SMYD3: variants seen among roughly 807,000 people sequenced by gnomAD.
The protein encoded by SMYD3 is histone-lysine N-methyltransferase SMYD3.
A neutral mutation model predicts 57.7 loss-of-function variants in SMYD3; 36 were observed. That is an observed-to-expected ratio of 0.62 (90% confidence interval 0.48 to 0.82). SMYD3 has a LOEUF of 0.82. Ranked by LOEUF, SMYD3 falls within the 40% of genes least tolerant of loss-of-function variation. SMYD3 has a pLI of 0.00. For synonymous variants in SMYD3, 211 were observed against 195.0 expected (o/e 1.08, Z -0.68); for missense variants, 515 against 538.8 (o/e 0.96, Z 0.44).
chr1:245,929,615 C>T (rs1289876183), intron 6 of SMYD3, among the ~76,000 whole-genome samples: 8 of 152,236 alleles, frequency 5.3e-5, no homozygotes, highest in Admixed American at 2.0e-4. Flanking sequence ...AACTTCTTCA[C>T]CCAAAGTCCC....
At chr1:246,253,229 T>C (rs959949957) in intron 5 of SMYD3, among the ~76,000 whole-genome samples, 10 of 152,174 alleles carry the variant, frequency 6.6e-5, no homozygotes, top group African/African-American at 2.2e-4. Context: ...ACCCAGGTAG[T>C]GAACACAGTT....
At chr1:246,040,765 C>T (rs753304901) in intron 5 of SMYD3, among the ~76,000 whole-genome samples, 2 of 152,156 alleles carry the variant, frequency 1.3e-5, no homozygotes, top group African/African-American at 4.8e-5. Flanking sequence ...TTATAGAGCG[C>T]TAGAATTTTG....
At chr1:246,450,433 C>T (rs147556832) in intron 1 of SMYD3, among the ~76,000 whole-genome samples, 337 of 152,322 alleles carry the variant, frequency 2.2e-3, no homozygotes, top group Non-Finnish European at 3.8e-3. Flanking sequence ...CTTCTCTCAA[C>T]CTGCTTCTTT....
In SMYD3 at chr1:246,006,286, G is replaced by A. The variant is rs547965614; in HGVS notation, c.532-76349C>T. On this transcript the variant is annotated intron_variant, in intron 5 of 11. Coordinates refer to ENST00000490107, the MANE Select transcript of SMYD3 (RefSeq NM_001167740.2). ...CCTTAAAACTGATGAGCGAGTTGGA[G>A]GGACTGGGATGTTGGAGGGGCTGGG... Among the ~76,000 whole-genome samples the A allele has an allele frequency of 1.8e-4, 27 of 151,978 alleles. No homozygotes were observed. The South Asian group carries it at 5.2e-3, about 29-fold the overall frequency.
At chr1:246,498,757 A>G (rs1011496109) in intron 1 of SMYD3, among the ~76,000 whole-genome samples, 39 of 151,126 alleles carry the variant, frequency 2.6e-4, no homozygotes, top group African/African-American at 8.8e-4. Context: ...AAGAACACAC[A>G]TATATACTTG....
chr1:246,214,400 G>A (rs186718428), intron 5 of SMYD3, among the ~76,000 whole-genome samples: 36 of 152,214 alleles, frequency 2.4e-4, no homozygotes, highest in Non-Finnish European at 4.4e-4. Context: ...AAGGAAAAAT[G>A]AACAGAACTG....
chr1:246,475,320 A>T (rs115743530), intron 1 of SMYD3, among the ~76,000 whole-genome samples: 11,428 of 144,178 alleles, frequency 0.079, 1,461 homozygotes, highest in African/African-American at 0.27. Flanking sequence ...ACAGCGAGAG[A>T]CTGTCTCAGA....
chr1:246,363,566 T>A (rs2066045940), intron 1 of SMYD3, among the ~76,000 whole-genome samples: 1 of 152,236 alleles, frequency 6.6e-6, no homozygotes, highest in South Asian at 2.1e-4. Context: ...TTTCATTTTG[T>A]TCTGTACTAA....
chr1:245,892,995 T>C (rs528637673), intron 8 of SMYD3, among the ~76,000 whole-genome samples: 1 of 152,298 alleles, frequency 6.6e-6, no homozygotes, highest in East Asian at 1.9e-4. Flanking sequence ...AAAAGACCTG[T>C]GTACAGGATA....
At chr1:246,455,562 T>A (rs947353677) in intron 1 of SMYD3, among the ~76,000 whole-genome samples, 1 of 152,176 alleles carries the variant, frequency 6.6e-6, no homozygotes, top group Admixed American at 6.5e-5. Context: ...CCAAATGCTA[T>A]AGAAAAGCCA....
chr1:245,764,322 G>A (rs1360592944), intron 10 of SMYD3, among the ~76,000 whole-genome samples, 173 bp from the exon 11 acceptor site: 3 of 152,012 alleles, frequency 2.0e-5, no homozygotes, highest in Admixed American at 6.6e-5. Context: ...ATTGACACAG[G>A]ACTGGTCTCC....
At chr1:245,887,795 A>G (rs2053170435) in intron 8 of SMYD3, among the ~76,000 whole-genome samples, 1 of 152,294 alleles carries the variant, frequency 6.6e-6, no homozygotes, top group African/African-American at 2.4e-5. Flanking sequence ...ACATCTTTCA[A>G]TCTCAGGATT....
intron 10 of SMYD3, among the ~76,000 whole-genome samples, chr1:245,809,679 T>G (rs2048358113): frequency 6.6e-6 from 1 of 152,158 alleles, no homozygotes; most frequent in Non-Finnish European, 1.5e-5. Context: ...AACATCCTAG[T>G]GCGGGCACAA....
intron 2 of SMYD3, among the ~76,000 whole-genome samples, chr1:246,336,342 T>G (rs1156389151): frequency 6.6e-6 from 1 of 152,232 alleles, no homozygotes; most frequent in Admixed American, 6.5e-5. Context: ...CTCAATCAAA[T>G]GTCTCTCGTG....
At chr1:246,208,813 C>T (rs1039849909) in intron 5 of SMYD3, among the ~76,000 whole-genome samples, 1 of 152,038 alleles carries the variant, frequency 6.6e-6, no homozygotes, top group Non-Finnish European at 1.5e-5. Flanking sequence ...ATCATTCAAG[C>T]TGAATCAATA....
At chr1:246,087,584 A>G (rs12131368) in intron 5 of SMYD3, among the ~76,000 whole-genome samples, 4,505 of 152,354 alleles carry the variant, frequency 0.03, 92 homozygotes, top group South Asian at 0.043. Flanking sequence ...TTTCCGTGGT[A>G]TCTATGAAAC....
chr1:245,977,817 G>T (rs1407761679), intron 5 of SMYD3, among the ~76,000 whole-genome samples: 1 of 152,158 alleles, frequency 6.6e-6, no homozygotes, highest in Non-Finnish European at 1.5e-5. Flanking sequence ...TCTGAAGGTT[G>T]GCCCCATGCA....
At chr1:246,361,794 A>G (rs575626681) in intron 1 of SMYD3, among the ~76,000 whole-genome samples, 1 of 152,296 alleles carries the variant, frequency 6.6e-6, no homozygotes, top group South Asian at 2.1e-4. Flanking sequence ...GGGACTCAGG[A>G]GAAACGTTGG....
intron 5 of SMYD3, among the ~76,000 whole-genome samples, chr1:246,187,874 A>G (rs1472432504): frequency 6.6e-6 from 1 of 152,054 alleles, no homozygotes; most frequent in East Asian, 1.9e-4. Context: ...TTGTTGACGG[A>G]AATATTACAA....
Sources: gnomAD v4.1 joint callset for allele counts (sites outside exome capture counted in the v4.1 genomes callset) on GRCh38, gnomAD v4.1.1 for gene constraint, MANE v1.5 for transcripts, NCBI Gene and HGNC (gene_info 2026-07-23, HGNC 2026-07-21) for gene names.